The following VSNL1 variants were observed in gnomAD, a reference collection of about 807,000 sequenced individuals.
VSNL1 encodes the protein visinin like 1, also known as visinin-like protein 1.
Under a neutral mutation model 20.4 loss-of-function variants are expected in VSNL1, and 6 were observed. The ratio of observed to expected loss-of-function variants is 0.29; its 90% CI spans 0.16 to 0.58. The LOEUF is 0.58. Ranked by LOEUF, VSNL1 falls within the 20% of genes least tolerant of loss-of-function variation. The pLI, the probability that VSNL1 is intolerant of heterozygous loss-of-function variation, is 0.90. For missense variants in VSNL1, 100 were observed against 234.5 expected (o/e 0.43, Z 3.75); for synonymous variants, 93 against 86.4 (o/e 1.08, Z -0.42).
intron 1 of VSNL1, among the ~76,000 whole-genome samples, chr2:17,555,704 T>G (rs1305925806): frequency 2.0e-5 from 3 of 152,156 alleles, no homozygotes; most frequent in Admixed American, 1.3e-4. Context: ...AAGAGAGTAT[T>G]GTTAAAATAA....
chr2:17,581,698 C>T (rs1558288830), intron 1 of VSNL1, among the ~76,000 whole-genome samples: 1 of 152,178 alleles, frequency 6.6e-6, no homozygotes, highest in Non-Finnish European at 1.5e-5. Context: ...CTCTCTCTTC[C>T]TCATGACACT....
intron 2 of VSNL1, among the ~76,000 whole-genome samples, chr2:17,640,576 G>A (rs534241457): frequency 2.0e-5 from 3 of 152,328 alleles, no homozygotes; most frequent in Non-Finnish European, 2.9e-5. Flanking sequence ...ATACATTTAG[G>A]AGAACATGTT....
chr2:17,616,330 G>A (rs567988976), intron 2 of VSNL1, among the ~76,000 whole-genome samples: 1 of 152,320 alleles, frequency 6.6e-6, no homozygotes, highest in South Asian at 2.1e-4. Flanking sequence ...GACTCTGCGT[G>A]GCCCCACAGC....
Position 17,637,616 on chromosome 2 carries a change from G to A in VSNL1, c.163-11794G>A, listed in dbSNP as rs144437986. Among the ~76,000 whole-genome samples the A allele has an allele frequency of 4.6e-3, 699 of 152,268 alleles. 8 individuals are homozygous for A. Among genetic ancestry groups the A allele is most frequent in the Middle Eastern group, 0.041 (12 of 294 alleles). On this transcript the variant is annotated intron_variant, in intron 2 of 3. Coordinates refer to ENST00000295156, the MANE Select transcript of VSNL1 (RefSeq NM_003385.5). ...TTCCTCCTTCAAATCCCAAGTGCCT[G>A]GAGGCTACACTCTTGCTTTCTGAGG...
chr2:17,643,463 A>AAT (rs763342508), intron 2 of VSNL1, among the ~76,000 whole-genome samples: 1 of 152,156 alleles, frequency 6.6e-6, no homozygotes, highest in South Asian at 2.1e-4. Flanking sequence ...CAACCCTTCT[A>AAT]CTGGTCAGTG....
chr2:17,630,347 G>C, intron 2 of VSNL1, among the ~76,000 whole-genome samples: 1 of 152,232 alleles, frequency 6.6e-6, no homozygotes, highest in East Asian at 1.9e-4. Flanking sequence ...TGCAGGGCTT[G>C]CAGCTCTGTG....
chr2:17,626,688 T>C (rs755255394), intron 2 of VSNL1, among the ~76,000 whole-genome samples: 15 of 152,160 alleles, frequency 9.9e-5, no homozygotes, highest in Non-Finnish European at 2.2e-4. Flanking sequence ...TATCAACTTA[T>C]GGCTGACCCC....
At chr2:17,597,786 T>C (rs1664742220) in intron 2 of VSNL1, among the ~76,000 whole-genome samples, 1 of 152,228 alleles carries the variant, frequency 6.6e-6, no homozygotes, top group Non-Finnish European at 1.5e-5. Context: ...AGACAGTTTA[T>C]TGGGCATTGC....
chr2:17,605,662 G>C (rs900136448), intron 2 of VSNL1, among the ~76,000 whole-genome samples: 2 of 152,206 alleles, frequency 1.3e-5, no homozygotes, highest in South Asian at 2.1e-4. Flanking sequence ...GACCCAGAGG[G>C]ACAGGATCAC....
At chr2:17,613,426 A>G (rs539909125) in intron 2 of VSNL1, among the ~76,000 whole-genome samples, 1 of 152,232 alleles carries the variant, frequency 6.6e-6, no homozygotes, top group African/African-American at 2.4e-5. Flanking sequence ...CCAAATTCAA[A>G]TTATGGCCAC....
intron 1 of VSNL1, among the ~76,000 whole-genome samples, chr2:17,546,526 T>C (rs1408195603): frequency 1.3e-5 from 2 of 152,028 alleles, no homozygotes; most frequent in East Asian, 3.8e-4. Flanking sequence ...TAGAATCTTT[T>C]TGCAGTTCAA....
At chr2:17,617,739 A>T (rs1247961721) in intron 2 of VSNL1, among the ~76,000 whole-genome samples, 1 of 152,128 alleles carries the variant, frequency 6.6e-6, no homozygotes, top group Middle Eastern at 3.2e-3. Context: ...GAAGTAAGGG[A>T]TGCTGTCTCC....
chr2:17,652,835 C>T (rs906444510), intron 3 of VSNL1, among the ~76,000 whole-genome samples: 1 of 152,096 alleles, frequency 6.6e-6, no homozygotes, highest in Non-Finnish European at 1.5e-5. Context: ...TCCTCTGCCC[C>T]GAAATTTCTG....
At chr2:17,601,701 G>A (rs1452154225) in intron 2 of VSNL1, among the ~76,000 whole-genome samples, 8 of 151,350 alleles carry the variant, frequency 5.3e-5, no homozygotes, top group East Asian at 2.0e-4. Context: ...TTGGGAGGCC[G>A]AGATGGGCGA....
chr2:17,631,060 G>A (rs1489648513), intron 2 of VSNL1, among the ~76,000 whole-genome samples: 1 of 152,184 alleles, frequency 6.6e-6, no homozygotes, highest in African/African-American at 2.4e-5. Context: ...GATTACAGGC[G>A]TGAGCCACTG....
intron 1 of VSNL1, among the ~76,000 whole-genome samples, chr2:17,575,185 G>A (rs1365639419): frequency 6.6e-6 from 1 of 152,162 alleles, no homozygotes; most frequent in Non-Finnish European, 1.5e-5. Context: ...TGGATTGCAG[G>A]TACTGGGAAG....
chr2:17,611,720 C>T (rs1027238066), intron 2 of VSNL1, among the ~76,000 whole-genome samples: 1 of 152,238 alleles, frequency 6.6e-6, no homozygotes, highest in African/African-American at 2.4e-5. Context: ...TCCACTGCTC[C>T]ATGCCTTGCT....
Position 17,641,855 on chromosome 2 carries a change from G to C in VSNL1, c.163-7555G>C, listed in dbSNP as rs574519962. 2.0e-5 allele frequency among the ~76,000 whole-genome samples: 3 copies of C among 152,292 alleles called. No homozygotes were observed. The South Asian group carries it at 6.2e-4, about 32-fold the overall frequency. On this transcript the variant is annotated intron_variant, in intron 2 of 3. Coordinates refer to ENST00000295156, the MANE Select transcript of VSNL1 (RefSeq NM_003385.5). ...GAGAAAGGGAGAAAGAGAAGAGAGA[G>C]ATTCACCCTTCGAAGTTTGATCCTG...
intron 2 of VSNL1, among the ~76,000 whole-genome samples, chr2:17,647,152 A>G (rs1333682641): frequency 6.6e-6 from 1 of 152,224 alleles, no homozygotes; most frequent in Non-Finnish European, 1.5e-5. Flanking sequence ...TTAGACCTAA[A>G]TTAATTTTTA....
Sources: gnomAD v4.1 joint callset for allele counts (sites outside exome capture counted in the v4.1 genomes callset) on GRCh38, gnomAD v4.1.1 for gene constraint, MANE v1.5 for transcripts, NCBI Gene and HGNC (gene_info 2026-07-23, HGNC 2026-07-21) for gene names.